Variants in MAP3K5 observed in about 807,000 individuals in gnomAD.
MAP3K5 encodes the protein ASK-1.
In MAP3K5, 56 loss-of-function variants were observed where a neutral mutation model predicts 158.7. That is an observed-to-expected ratio of 0.35 (90% confidence interval 0.28 to 0.44). MAP3K5 has a LOEUF of 0.44. Among genes scored for constraint, MAP3K5 ranks in the 20% least tolerant of loss-of-function variants. The probability of loss-of-function intolerance (pLI) is 1.00; values close to 1 mark genes in which losing one functional copy is unlikely to be tolerated. For synonymous variants in MAP3K5, 579 were observed against 601.7 expected, an observed-to-expected ratio of 0.96 and a Z score of 0.55; for missense variants, 1,294 against 1,674.8, an observed-to-expected ratio of 0.77 and a Z score of 3.97.
chr6:136,577,315 T>A (rs375818677), intron 25 of MAP3K5, among the ~76,000 whole-genome samples: 5 of 152,240 alleles, frequency 3.3e-5, no homozygotes, highest in African/African-American at 1.2e-4. Context: ...TTTGTCCACA[T>A]AATTCATCAT....
chr6:136,583,100 T>C (rs985472455), intron 24 of MAP3K5, among the ~76,000 whole-genome samples: 2 of 152,218 alleles, frequency 1.3e-5, no homozygotes, highest in Non-Finnish European at 2.9e-5. Flanking sequence ...ATGTTCTATA[T>C]GAAAACTAGA....
At chr6:136,699,663 A>C (rs1780759943) in intron 3 of MAP3K5, among the ~76,000 whole-genome samples, 2 of 152,208 alleles carry the variant, frequency 1.3e-5, no homozygotes, top group Admixed American at 1.3e-4. Flanking sequence ...ATGAAAGTGG[A>C]AAGTGAGTTG....
chr6:136,744,181 G>A (rs1161611599), intron 1 of MAP3K5, among the ~76,000 whole-genome samples: 1 of 152,092 alleles, frequency 6.6e-6, no homozygotes, highest in African/African-American at 2.4e-5. Flanking sequence ...ATAATGATGT[G>A]TCAATGTAAG....
chr6:136,565,432 G>A (rs905551816), intron 26 of MAP3K5, among the ~76,000 whole-genome samples: 1 of 152,058 alleles, frequency 6.6e-6, no homozygotes, highest in African/African-American at 2.4e-5. Context: ...CTTGAGACAG[G>A]TTTTTGTTTT....
At chr6:136,594,256 C>A (rs1775524791) in intron 21 of MAP3K5, among the ~76,000 whole-genome samples, 1 of 152,306 alleles carries the variant, frequency 6.6e-6, no homozygotes, top group Non-Finnish European at 1.5e-5. Context: ...AGTGCTGCTA[C>A]AGCAGAAAGG....
At chr6:136,655,325 C>G (rs1184032523) in intron 10 of MAP3K5, among the ~76,000 whole-genome samples, 1 of 152,218 alleles carries the variant, frequency 6.6e-6, no homozygotes, top group East Asian at 1.9e-4. Context: ...CTAGGCTACA[C>G]ATTATCTAGG....
chr6:136,727,070 T>G (rs578089630), intron 1 of MAP3K5, among the ~76,000 whole-genome samples: 6 of 152,202 alleles, frequency 3.9e-5, no homozygotes, highest in African/African-American at 1.4e-4. Context: ...ACATTATCTG[T>G]GGCTACTTTC....
chr6:136,585,082 TC>T (rs1157911225), intron 23 of MAP3K5, among the ~76,000 whole-genome samples: 1 of 151,980 alleles, frequency 6.6e-6, no homozygotes, highest in Non-Finnish European at 1.5e-5. Context: ...AAATGCTCTT[TC>T]TCAAAATGAT....
At chr6:136,604,332 A>G (rs1439300566) in intron 19 of MAP3K5, among the ~76,000 whole-genome samples, 2 of 152,096 alleles carry the variant, frequency 1.3e-5, no homozygotes, top group Admixed American at 1.3e-4. Context: ...CACAAAAAAA[A>G]AGAAGAAAGA....
intron 1 of MAP3K5, among the ~76,000 whole-genome samples, chr6:136,782,787 A>G (rs1784672692): frequency 6.6e-6 from 1 of 152,206 alleles, no homozygotes; most frequent in African/African-American, 2.4e-5. Flanking sequence ...AATTATCACA[A>G]TGTAGTTTCA....
intron 8 of MAP3K5, among the ~76,000 whole-genome samples, chr6:136,664,092 A>T (rs985944059): frequency 6.6e-6 from 1 of 152,152 alleles, no homozygotes; most frequent in Non-Finnish European, 1.5e-5. Context: ...GTGAGCAAAA[A>T]GCTTCTTCAT....
intron 25 of MAP3K5, among the ~76,000 whole-genome samples, chr6:136,580,056 T>C (rs902761486): frequency 6.6e-6 from 1 of 152,240 alleles, no homozygotes; most frequent in Non-Finnish European, 1.5e-5. Flanking sequence ...TGTATACTTT[T>C]TCTCTTCACA....
At chr6:136,785,096 G>A (rs960968672) in intron 1 of MAP3K5, among the ~76,000 whole-genome samples, 1 of 152,200 alleles carries the variant, frequency 6.6e-6, no homozygotes, top group Non-Finnish European at 1.5e-5. Context: ...TATATTGAAA[G>A]TAGAAATGCA....
At chr6:136,754,947 A>C (rs149158377) in intron 1 of MAP3K5, among the ~76,000 whole-genome samples, 226 of 152,178 alleles carry the variant, frequency 1.5e-3, no homozygotes, top group African/African-American at 5.0e-3. Flanking sequence ...CAGAAATATG[A>C]GGTTGTCGTC....
chr6:136,590,027 T>C (rs1285466505), intron 23 of MAP3K5, among the ~76,000 whole-genome samples: 3 of 152,206 alleles, frequency 2.0e-5, no homozygotes, highest in Non-Finnish European at 4.4e-5. Flanking sequence ...ATGAGGCTCA[T>C]GAAGGGATTA....
intron 1 of MAP3K5, among the ~76,000 whole-genome samples, chr6:136,781,814 G>A (rs1457672023): frequency 6.6e-6 from 1 of 152,172 alleles, no homozygotes; most frequent in Non-Finnish European, 1.5e-5. Context: ...ACAGGCCAAA[G>A]CGGTGGCCCC....
chr6:136,765,234 G>A (rs1263743614), intron 1 of MAP3K5, among the ~76,000 whole-genome samples: 1 of 152,116 alleles, frequency 6.6e-6, no homozygotes, highest in East Asian at 1.9e-4. Context: ...CAAGCGCTGT[G>A]CATAATTCCT....
Position 136,558,782 on chromosome 6 carries a change from C to T in MAP3K5, c.4064+18G>A, listed in dbSNP as rs2129067159. 1.3e-6 allele frequency: 2 copies of T among 1,501,004 alleles called. No individual in the cohort carries two copies. The highest frequency in any genetic ancestry group is 1.9e-6 in the Non-Finnish European group (2 of 1,079,322). 93.0% of individuals were successfully genotyped at this position (1,501,004 alleles called of 1,614,324 possible). ...CCTGGTGCTCTTTCCATAGTGACAA[C>T]AGAAAGAAAAGTGGTACCTTAGTCT... On this transcript the variant is annotated intron_variant, in intron 29 of 29. Coordinates refer to ENST00000359015, the MANE Select transcript of MAP3K5 (RefSeq NM_005923.4).
chr6:136,583,797 G>T, intron 23 of MAP3K5, 57 bp from the exon 24 acceptor site: 1 of 1,504,116 alleles, frequency 6.6e-7, no homozygotes, highest in Non-Finnish European at 9.2e-7. Flanking sequence ...ACCTGCCATG[G>T]TAATCCTATC....
Sources: gnomAD v4.1 joint callset for allele counts (sites outside exome capture counted in the v4.1 genomes callset) on GRCh38, gnomAD v4.1.1 for gene constraint, MANE v1.5 for transcripts, NCBI Gene and HGNC (gene_info 2026-07-23, HGNC 2026-07-21) for gene names.